RAB3B: variants seen among roughly 807,000 people sequenced by gnomAD.
The protein encoded by RAB3B is RAB3B, member RAS oncogene family.
In RAB3B, 11 loss-of-function variants were observed where a neutral mutation model predicts 20.5. The ratio of observed to expected loss-of-function variants is 0.54; its 90% CI spans 0.34 to 0.89. RAB3B has a LOEUF of 0.89. Among genes scored for constraint, RAB3B ranks in the 40% least tolerant of loss-of-function variants. The pLI is 0.02. For synonymous variants in RAB3B, 99 were observed against 106.3 expected (o/e 0.93, Z 0.42); for missense variants, 225 against 280.9 (o/e 0.80, Z 1.42).
chr1:51,974,697 T>TGG (rs1684983937), intron 2 of RAB3B, among the ~76,000 whole-genome samples: 1 of 152,220 alleles, frequency 6.6e-6, no homozygotes, highest in Non-Finnish European at 1.5e-5. Flanking sequence ...AATCCCACTT[T>TGG]ATAGCAGTGT....
chr1:51,969,272 C>T (rs1241844057), intron 2 of RAB3B, among the ~76,000 whole-genome samples: 1 of 152,010 alleles, frequency 6.6e-6, no homozygotes, highest in African/African-American at 2.4e-5. Context: ...ACTCCAGCCT[C>T]GGACACCCTG....
intron 4 of RAB3B, among the ~76,000 whole-genome samples, chr1:51,928,148 C>G (rs1028859271): frequency 6.6e-6 from 1 of 152,050 alleles, no homozygotes; most frequent in African/African-American, 2.4e-5. Flanking sequence ...CTCTTGTTGC[C>G]CAGGCTGGAG....
At chr1:51,975,987 G>A (rs1357231279) in intron 2 of RAB3B, among the ~76,000 whole-genome samples, 8 of 147,606 alleles carry the variant, frequency 5.4e-5, no homozygotes, top group South Asian at 2.1e-4. Context: ...ACAAGACTCC[G>A]TCTTAAAAAA....
chr1:51,911,097 C>T lies in RAB3B; in HGVS notation c.*8830G>A, dbSNP rs2244262. ...CACTGAGATGGCTGAGAAATAGGAA[C>T]GGATGTGGAGAAAGGAGTGGCAGTG... On this transcript the variant is annotated 3_prime_UTR_variant, in exon 5 of 5. Coordinates refer to ENST00000371655, the MANE Select transcript of RAB3B (RefSeq NM_002867.4). 15,111 of 152,264 alleles carry T rather than the reference C, an allele frequency of 0.099. 1,430 individuals are homozygous for T. Among genetic ancestry groups the T allele is most frequent in the African/African-American group, 0.25 (10,221 of 41,514 alleles). The allele number at this position is 152,264 out of a possible 1,614,324, so 9.4% of individuals were successfully genotyped here. A position where few individuals can be genotyped will look rare whatever the true frequency, so the allele number is the denominator to read the frequency against.
chr1:51,947,780 T>C (rs1029798281), intron 2 of RAB3B, among the ~76,000 whole-genome samples: 18 of 152,066 alleles, frequency 1.2e-4, no homozygotes, highest in Admixed American at 1.1e-3. Context: ...ATCAGATTTT[T>C]GGATTTTAGG....
At chr1:51,982,577 A>C (rs936474127) in intron 1 of RAB3B, among the ~76,000 whole-genome samples, 2 of 151,884 alleles carry the variant, frequency 1.3e-5, no homozygotes, top group African/African-American at 2.4e-5. Flanking sequence ...ACATGGTGAA[A>C]CCTCATCTCT....
intron 1 of RAB3B, among the ~76,000 whole-genome samples, chr1:51,978,788 T>G (rs1438957481): frequency 1.3e-5 from 2 of 152,194 alleles, no homozygotes; most frequent in East Asian, 3.9e-4. Flanking sequence ...GGAATTCCTG[T>G]TTTTTTCCCC....
At chr1:51,982,983 C>T (rs1685107052) in intron 1 of RAB3B, among the ~76,000 whole-genome samples, 1 of 152,068 alleles carries the variant, frequency 6.6e-6, no homozygotes, top group Non-Finnish European at 1.5e-5. Context: ...TCACTGACTC[C>T]CCCAGAGCAA....
At position 51,912,805 on chromosome 1, in the gene RAB3B, AG is replaced by A. The variant is rs1684025055; in HGVS notation, c.*7121del. The A allele has an allele frequency of 6.6e-6, 1 of 151,748 alleles. No homozygotes were observed. Among genetic ancestry groups the A allele is most frequent in the Non-Finnish European group, 1.5e-5 (1 of 67,944 alleles). The allele number at this position is 151,748 out of a possible 1,614,324, so 9.4% of individuals were successfully genotyped here. On this transcript the variant is annotated 3_prime_UTR_variant, in exon 5 of 5. Transcript: ENST00000371655. The stretch of plus-strand genomic sequence containing the variant: ...CTAGGATCTGCTGCTAGATTAGACA[AG>A]GAGGCTGAGAAAAAGAGAAAAATCA...
chr1:51,957,067 CTT>C (rs145913374), intron 2 of RAB3B, among the ~76,000 whole-genome samples: 2,325 of 152,240 alleles, frequency 0.015, 60 homozygotes, highest in African/African-American at 0.053. Context: ...TATATAAACT[CTT>C]TTCATGGTTT....
intron 2 of RAB3B, among the ~76,000 whole-genome samples, chr1:51,966,977 A>G (rs1233487100): frequency 6.6e-6 from 1 of 152,166 alleles, no homozygotes; most frequent in Non-Finnish European, 1.5e-5. Context: ...CCCTCAGTAA[A>G]GTCCCTATCT....
At chr1:51,953,154 T>C (rs889649669) in intron 2 of RAB3B, among the ~76,000 whole-genome samples, 4 of 152,204 alleles carry the variant, frequency 2.6e-5, no homozygotes, top group African/African-American at 9.7e-5. Flanking sequence ...TCCCAGTGCT[T>C]TGGCATGGAC....
At chr1:51,971,344 G>C (rs961334470) in intron 2 of RAB3B, among the ~76,000 whole-genome samples, 1 of 152,000 alleles carries the variant, frequency 6.6e-6, no homozygotes, top group Non-Finnish European at 1.5e-5. Context: ...CTATCCTTGG[G>C]GGATAAGTTC....
intron 2 of RAB3B, among the ~76,000 whole-genome samples, chr1:51,965,969 C>T (rs1420341837): frequency 6.6e-6 from 1 of 152,180 alleles, no homozygotes; most frequent in South Asian, 2.1e-4. Context: ...TTTATTAAAA[C>T]AATGTAAGAC....
chr1:51,976,930 G>C lies in RAB3B; in HGVS notation c.188C>G (p.Thr63Arg), dbSNP rs951047885. ...CACCCGCTTCTCGTGACGGTAGACT[G>C]TCTTCACCTTGAAGTCGATGCCCAC... is the stretch of plus-strand genomic sequence containing the variant. Reference protein sequence around the residue: ...STVGIDFKVKTVYRHEKRVKL... With the variant: ...STVGIDFKVKRVYRHEKRVKL... Residue 63 changes from threonine (T) to arginine (R), a missense_variant, in exon 2 of 5, where the codon ACA becomes AGA. Thr to Arg is a moderately conservative substitution (Grantham distance 71). Coordinates refer to ENST00000371655, the MANE Select transcript of RAB3B (RefSeq NM_002867.4). 3 of 1,614,112 alleles carry C rather than the reference G, an allele frequency of 1.9e-6. No homozygotes were observed. In the African/African-American group the frequency reaches 4.0e-5, roughly 22 times the overall value.
At chr1:51,946,391 C>T (rs1404950439) in intron 2 of RAB3B, among the ~76,000 whole-genome samples, 1 of 152,142 alleles carries the variant, frequency 6.6e-6, no homozygotes, top group South Asian at 2.1e-4. Flanking sequence ...ATTGATTCTC[C>T]TCCTACTGAT....
At chr1:51,956,434 C>G (rs1210168650) in intron 2 of RAB3B, among the ~76,000 whole-genome samples, 1 of 152,178 alleles carries the variant, frequency 6.6e-6, no homozygotes, top group Non-Finnish European at 1.5e-5. Flanking sequence ...TAGCAAATGT[C>G]AGAGCTGGGA....
At chr1:51,971,706 C>T (rs530391525) in intron 2 of RAB3B, among the ~76,000 whole-genome samples, 2 of 152,128 alleles carry the variant, frequency 1.3e-5, no homozygotes, top group Admixed American at 6.5e-5. Context: ...TGCCGGATTA[C>T]AGGCGTGGGC....
At position 51,918,164 on chromosome 1, in the gene RAB3B, G is replaced by A. The variant is rs1056968767; in HGVS notation, c.*1763C>T. On this transcript the variant is annotated 3_prime_UTR_variant, in exon 5 of 5. Coordinates refer to ENST00000371655, the MANE Select transcript of RAB3B (RefSeq NM_002867.4). The stretch of plus-strand genomic sequence containing the variant: ...TAATTAAGGGGCTTCCACCAGAAGT[G>A]GTTTCCCACACTCTCTGGTAGAAAC... The A allele has an allele frequency of 9.9e-5, 15 of 152,134 alleles. No individual in the cohort carries two copies. The highest frequency in any genetic ancestry group is 3.6e-4 in the African/African-American group (15 of 41,422). The allele number at this position is 152,134 out of a possible 1,614,324, so 9.4% of individuals were successfully genotyped here. A position where few individuals can be genotyped will look rare whatever the true frequency, so the allele number is the denominator to read the frequency against.
Sources: gnomAD v4.1 joint callset for allele counts (sites outside exome capture counted in the v4.1 genomes callset) on GRCh38, gnomAD v4.1.1 for gene constraint, MANE v1.5 for transcripts, NCBI Gene and HGNC (gene_info 2026-07-23, HGNC 2026-07-21) for gene names.